ZNF726: variants seen among roughly 807,000 people sequenced by gnomAD.
The protein encoded by ZNF726 is zinc finger protein 92 pseudogene 3.
ZNF726 carries 15 observed loss-of-function variants against 11.6 expected under a neutral mutation model. The ratio of observed to expected loss-of-function variants is 1.29; its 90% CI spans 0.86 to 1.99. The LOEUF is 1.99. Among genes scored for constraint, ZNF726 ranks in the 30% most tolerant of loss-of-function variants. ZNF726 has a pLI of 0.00. For missense variants in ZNF726, 890 were observed against 725.6 expected (o/e 1.23, Z -2.60); for synonymous variants, 295 against 243.6 (o/e 1.21, Z -1.96).
intron 3 of ZNF726, among the ~76,000 whole-genome samples, chr19:23,922,364 G>T (rs1967873343): frequency 1.3e-5 from 2 of 152,186 alleles, no homozygotes; most frequent in Non-Finnish European, 2.9e-5. Context: ...CTGTGGCTCA[G>T]GGAGCTGGAA....
chr19:23,916,494 C>T (rs1182218223), intron 1 of ZNF726, among the ~76,000 whole-genome samples: 1 of 152,026 alleles, frequency 6.6e-6, no homozygotes, highest in African/African-American at 2.4e-5. Context: ...CCACGCCTGG[C>T]TAATTTTTGT....
At chr19:23,930,253 G>A (rs1968076558) in intron 3 of ZNF726, among the ~76,000 whole-genome samples, 1 of 151,768 alleles carries the variant, frequency 6.6e-6, no homozygotes, top group African/African-American at 2.4e-5. Context: ...CAAAATTTGG[G>A]AATTTTTATC....
downstream of ZNF726, among the ~76,000 whole-genome samples, chr19:23,937,524 T>C (rs1472565018): frequency 2.0e-4 from 28 of 140,848 alleles, 1 homozygote; most frequent in African/African-American, 6.8e-4. Context: ...AGGGCAGAGG[T>C]GCTCCCCACA....
At chr19:23,918,450 A>G (rs151139871) in intron 1 of ZNF726, among the ~76,000 whole-genome samples, 96 of 152,352 alleles carry the variant, frequency 6.3e-4, no homozygotes, top group Middle Eastern at 3.4e-3. Flanking sequence ...TAAAAATTGT[A>G]GAACATGGAA....
intron 3 of ZNF726, among the ~76,000 whole-genome samples, 195 bp from the exon 4 acceptor site, chr19:23,932,148 C>A (rs1017253123): frequency 1.3e-5 from 2 of 152,080 alleles, no homozygotes; most frequent in East Asian, 3.9e-4. Context: ...ATGTTCACAT[C>A]TGTGAACATT....
At chr19:23,915,540 C>T (rs889432191) in intron 1 of ZNF726, among the ~76,000 whole-genome samples, 3 of 151,890 alleles carry the variant, frequency 2.0e-5, no homozygotes, top group Non-Finnish European at 2.9e-5. Flanking sequence ...TGGCTAGGTA[C>T]GGTTATGTAG....
Position 23,914,965 on chromosome 19 carries a change from C to T in ZNF726, c.-30C>T, listed in dbSNP as rs772444322. ...GCTTTTAGGGGCGCAGCCTCTGTGG[C>T]CCTGTGACCTGCCCCCTGGAAGCCT... On this transcript the variant is annotated 5_prime_UTR_variant, in exon 1 of 4. Coordinates refer to ENST00000594466, the MANE Select transcript of ZNF726 (RefSeq NM_001244038.2). The T allele has an allele frequency of 3.1e-6, 5 of 1,613,462 alleles. No homozygotes were observed. The South Asian group carries it at 5.5e-5, about 18-fold the overall frequency.
chr19:23,930,504 T>G lies in ZNF726; in HGVS notation c.227-1839T>G, dbSNP rs189034927. On this transcript the variant is annotated intron_variant, in intron 3 of 3. Transcript: ENST00000594466. Reference sequence around the variant, plus strand: ...GCCAATATTTTAACTTTATATAATTTAAGACATTGTGGAGCAAAATCATAT... The same window carrying G: ...GCCAATATTTTAACTTTATATAATTGAAGACATTGTGGAGCAAAATCATAT... Among the ~76,000 whole-genome samples the G allele has an allele frequency of 3.4e-3, 525 of 152,294 alleles. 1 individual carries two copies. Among genetic ancestry groups the G allele is most frequent in the African/African-American group, 0.011 (478 of 41,574 alleles).
rs759185167 is a variant in ZNF726 at position 23,933,470 on chromosome 19, C to T, written c.1354C>T (p.Pro452Ser). Residue 452 changes from proline to serine, a missense_variant, in exon 4 of 4, where the codon CCC becomes TCC. Physicochemically the swap from Pro to Ser is moderately conservative, Grantham distance 74. Transcript: ENST00000594466. ...EHKKIHTREK[P>S]YKCEECSKAF... ...TAAGAAAATTCATACTAGAGAGAAA[C>T]CCTACAAATGTGAAGAATGTAGTAA... 6.2e-7 allele frequency: 1 copy of T among 1,612,358 alleles called. No homozygotes were observed. Among genetic ancestry groups the T allele is most frequent in the Admixed American group, 1.7e-5 (1 of 59,860 alleles).
At chr19:23,938,631 G>T (rs1312148595), downstream of ZNF726, among the ~76,000 whole-genome samples, 6 of 133,710 alleles carry the variant, frequency 4.5e-5, no homozygotes, top group East Asian at 2.1e-4. Context: ...TTTTTGAGCT[G>T]GAGTCTTGCT....
chr19:23,922,304 G>A (rs116876289), intron 3 of ZNF726, among the ~76,000 whole-genome samples: 7,603 of 152,278 alleles, frequency 0.05, 302 homozygotes, highest in South Asian at 0.08. Context: ...TACAAGAGAG[G>A]ATTTTCCCAG....
In ZNF726 at chr19:23,919,986, G is replaced by C. The variant is rs1453118934; in HGVS notation, c.131-1G>C. Reference sequence around the variant, plus strand: ...CATGTTAATTATTTTTAATAAAACAGGTATTGCTGTCTCTAAGCCAGACCT... The same window carrying C: ...CATGTTAATTATTTTTAATAAAACACGTATTGCTGTCTCTAAGCCAGACCT... On this transcript the variant is annotated splice_acceptor_variant, in intron 2 of 3. Transcript: ENST00000594466. LOFTEE classifies it high-confidence loss of function. The C allele has an allele frequency of 5.1e-6, 8 of 1,566,240 alleles. No individual in the cohort carries two copies. The African/African-American group carries it at 5.4e-5, about 11-fold the overall frequency.
At chr19:23,937,085 G>A (rs1324635400), downstream of ZNF726, among the ~76,000 whole-genome samples, 2 of 143,700 alleles carry the variant, frequency 1.4e-5, no homozygotes, top group African/African-American at 5.1e-5. Context: ...CCGGGCGGGG[G>A]GCTGACCCCC....
chr19:23,921,711 T>C (rs1480367345), intron 3 of ZNF726, among the ~76,000 whole-genome samples: 1 of 152,180 alleles, frequency 6.6e-6, no homozygotes, highest in Non-Finnish European at 1.5e-5. Flanking sequence ...TAACTTATAA[T>C]TGTATGTTAA....
In ZNF726 at chr19:23,919,458, G is replaced by A; in HGVS notation, c.89G>A (p.Arg30Lys). 6.2e-7 allele frequency: 1 copy of A among 1,606,820 alleles called. No individual in the cohort carries two copies. Among genetic ancestry groups the A allele is most frequent in the Non-Finnish European group, 8.5e-7 (1 of 1,176,126 alleles). Residue 30 changes from arginine to lysine, a missense_variant, in exon 2 of 4, where the codon AGG becomes AAG. By Grantham distance (26) the Arg-to-Lys change is conservative. Coordinates refer to ENST00000594466, the MANE Select transcript of ZNF726 (RefSeq NM_001244038.2). ...GACACTGCACAGAAGAATTTATATA[G>A]GAATGTGATGTTAGAGAACTACAGA... ...CLDTAQKNLY[R>K]NVMLENYRNL...
intron 3 of ZNF726, among the ~76,000 whole-genome samples, chr19:23,922,471 A>G (rs1173317993): frequency 6.6e-6 from 1 of 152,196 alleles, no homozygotes; most frequent in African/African-American, 2.4e-5. Flanking sequence ...GGCCTCTGGA[A>G]GGGCAGGACC....
chr19:23,915,616 T>A (rs560409384), intron 1 of ZNF726, among the ~76,000 whole-genome samples: 3 of 152,238 alleles, frequency 2.0e-5, no homozygotes, highest in African/African-American at 7.2e-5. Context: ...GCAGAGTCTC[T>A]GTTGCCCAGG....
chr19:23,925,452 A>T (rs934933990), intron 3 of ZNF726, among the ~76,000 whole-genome samples: 32 of 152,052 alleles, frequency 2.1e-4, no homozygotes, highest in Non-Finnish European at 5.9e-5. Flanking sequence ...TCTGCCTCCC[A>T]AAGTGCTGGG....
In ZNF726 at chr19:23,932,580, A is replaced by T. The variant is rs749472223; in HGVS notation, c.464A>T (p.Tyr155Phe). 21 of 1,544,714 alleles carry T rather than the reference A, an allele frequency of 1.4e-5. No homozygotes were observed. Among genetic ancestry groups the T allele is most frequent in the Non-Finnish European group, 1.7e-5 (19 of 1,146,386 alleles). Residue 155 changes from tyrosine to phenylalanine, a missense_variant, in exon 4 of 4, where the codon TAT (tyrosine) becomes TTT (phenylalanine). Transcript: ENST00000594466. The part of the protein sequence containing the change: ...SQCGKYLKVF[Y>F]KFINLNRYKI... Reference sequence around the variant, plus strand: ...TGTGGTAAATATTTGAAAGTCTTTTATAAATTTATAAATTTAAACAGATAT... The same window carrying T: ...TGTGGTAAATATTTGAAAGTCTTTTTTAAATTTATAAATTTAAACAGATAT...
Sources: allele counts gnomAD v4.1 joint callset (sites outside exome capture counted in the v4.1 genomes callset), GRCh38; gene constraint gnomAD v4.1.1; transcripts MANE v1.5; gene names NCBI Gene and HGNC (gene_info 2026-07-23, HGNC 2026-07-21).